Variants in PTPRD observed in about 807,000 individuals in gnomAD.
The protein encoded by PTPRD is protein tyrosine phosphatase receptor type D.
A neutral mutation model predicts 214.5 loss-of-function variants in PTPRD; 34 were observed. The ratio of observed to expected loss-of-function variants is 0.16; its 90% CI spans 0.12 to 0.21. PTPRD has a LOEUF of 0.21. Among genes scored for constraint, PTPRD ranks in the 10% least tolerant of loss-of-function variants. The pLI is 1.00. For missense variants in PTPRD, 2,545 were observed against 2,398.7 expected, an observed-to-expected ratio of 1.06 and a Z score of -1.27; for synonymous variants, 1,128 against 845.7, an observed-to-expected ratio of 1.33 and a Z score of -5.79.
chr9:10,468,106 A>T (rs2099006432), intron 2 of PTPRD, among the ~76,000 whole-genome samples: 1 of 152,210 alleles, frequency 6.6e-6, no homozygotes, highest in Non-Finnish European at 1.5e-5. Flanking sequence ...TTCCTCAAGG[A>T]TCTAGAACCA....
intron 10 of PTPRD, among the ~76,000 whole-genome samples, chr9:9,060,586 GAAGAT>G (rs1306467305): frequency 6.6e-6 from 1 of 152,000 alleles, no homozygotes; most frequent in African/African-American, 2.4e-5. Context: ...CAGACTAAGA[GAAGAT>G]ATTTTTCACA....
chr9:10,281,539 G>A (rs1410765866), intron 3 of PTPRD, among the ~76,000 whole-genome samples: 3 of 152,158 alleles, frequency 2.0e-5, no homozygotes. Context: ...GTTCATTTAA[G>A]ACTAGGCATT....
At chr9:10,109,769 A>G (rs1007207066) in intron 3 of PTPRD, among the ~76,000 whole-genome samples, 3 of 152,162 alleles carry the variant, frequency 2.0e-5, no homozygotes, top group African/African-American at 7.2e-5. Context: ...CTAGGGTCCA[A>G]TTTTCTGAAA....
intron 8 of PTPRD, among the ~76,000 whole-genome samples, chr9:9,505,429 A>C (rs1423117411): frequency 6.6e-6 from 1 of 151,592 alleles, no homozygotes; most frequent in Non-Finnish European, 1.5e-5. Flanking sequence ...AAATATTTAG[A>C]ATCCACAGAT....
At chr9:9,011,251 C>G (rs2099510696) in intron 11 of PTPRD, among the ~76,000 whole-genome samples, 2 of 152,244 alleles carry the variant, frequency 1.3e-5, no homozygotes, top group South Asian at 2.1e-4. Context: ...TCCCAACACT[C>G]TCTTTTTTGG....
At chr9:8,435,364 G>T (rs936017917) in intron 35 of PTPRD, among the ~76,000 whole-genome samples, 1 of 152,030 alleles carries the variant, frequency 6.6e-6, no homozygotes, top group African/African-American at 2.4e-5. Context: ...GAATGTTAGC[G>T]CTGGTAGGTC....
intron 2 of PTPRD, among the ~76,000 whole-genome samples, chr9:10,468,368 G>C (rs1379561618): frequency 1.3e-5 from 2 of 152,098 alleles, no homozygotes; most frequent in East Asian, 1.9e-4. Context: ...GATCAAGCTG[G>C]AAACCATCAT....
chr9:9,770,920 G>T (rs1416514770), intron 5 of PTPRD, among the ~76,000 whole-genome samples: 1 of 152,092 alleles, frequency 6.6e-6, no homozygotes, highest in African/African-American at 2.4e-5. Context: ...TATATTTAGA[G>T]CCTACTTGGA....
In PTPRD at chr9:9,328,614, CTTGCTTTTTTTTTTTTTTT is replaced by C. The variant is rs1295741117; in HGVS notation, c.-203+68816_-203+68834del. ...GATCACATTTTCTTTTGTTGTTGTTCTTGCTTTTTTTTTTTTTTTTTTTTTTTTTTTTTTTTTTTTTGAG... is the reference window on the plus strand; with the variant it reads ...GATCACATTTTCTTTTGTTGTTGTTCTTTTTTTTTTTTTTTTTTTTTTGAG... On this transcript the variant is annotated intron_variant, in intron 9 of 45. Coordinates refer to ENST00000381196, the MANE Select transcript of PTPRD (RefSeq NM_002839.4). 5.6e-3 allele frequency among the ~76,000 whole-genome samples: 220 copies of C among 39,094 alleles called. 5 individuals carry two copies. The highest frequency in any genetic ancestry group is 0.016 in the African/African-American group (216 of 13,216). 25.6% of individuals were successfully genotyped at this position (39,094 alleles called of 152,430 possible). A position where few individuals can be genotyped will look rare whatever the true frequency, so the allele number is the denominator to read the frequency against.
chr9:8,456,028 C>G (rs183533674), intron 33 of PTPRD, among the ~76,000 whole-genome samples: 1 of 152,262 alleles, frequency 6.6e-6, no homozygotes, highest in African/African-American at 2.4e-5. Context: ...TATTGCAACT[C>G]TTGCCAGCCA....
chr9:9,589,905 T>C (rs1441982923), intron 7 of PTPRD, among the ~76,000 whole-genome samples: 1 of 151,836 alleles, frequency 6.6e-6, no homozygotes, highest in Non-Finnish European at 1.5e-5. Context: ...AGATGCTGGG[T>C]CATTATTTCT....
At chr9:9,275,553 G>A (rs1035605155) in intron 9 of PTPRD, among the ~76,000 whole-genome samples, 3 of 151,046 alleles carry the variant, frequency 2.0e-5, no homozygotes, top group African/African-American at 7.3e-5. Context: ...AAGGTTGGCT[G>A]GTAAGAGCCT....
In PTPRD at chr9:10,211,729, G is replaced by C. The variant is rs140846104; in HGVS notation, c.-545+129234C>G. Among the ~76,000 whole-genome samples, 1,028 of 152,230 alleles carry C rather than the reference G, an allele frequency of 6.8e-3. 7 individuals are homozygous for C. Among genetic ancestry groups the C allele is most frequent in the Non-Finnish European group, 0.01 (689 of 68,018 alleles). On this transcript the variant is annotated intron_variant, in intron 3 of 45. Transcript: ENST00000381196. ...GTCAAAAACCATATATTCTTACTTA[G>C]AAGTGAGAGCTAAACAGTGTGCAAA...
intron 14 of PTPRD, among the ~76,000 whole-genome samples, chr9:8,593,381 T>C (rs559564614): frequency 4.6e-5 from 7 of 152,318 alleles, no homozygotes; most frequent in South Asian, 4.1e-4. Context: ...AAAAGGTACG[T>C]AGACCTGGTG....
chr9:10,130,090 C>G (rs2154256737), intron 3 of PTPRD, among the ~76,000 whole-genome samples: 1 of 151,750 alleles, frequency 6.6e-6, no homozygotes, highest in East Asian at 1.9e-4. Flanking sequence ...ACTTCAGACA[C>G]CCTCAATGGC....
intron 5 of PTPRD, among the ~76,000 whole-genome samples, chr9:9,794,666 G>A (rs1488164434): frequency 6.6e-6 from 1 of 152,060 alleles, no homozygotes; most frequent in African/African-American, 2.4e-5. Flanking sequence ...CTTCAAAAGA[G>A]CCCTGAAATA....
intron 32 of PTPRD, among the ~76,000 whole-genome samples, chr9:8,461,236 C>T (rs181110628): frequency 1.3e-5 from 2 of 152,088 alleles, no homozygotes; most frequent in East Asian, 1.9e-4. Flanking sequence ...GATGATATGG[C>T]TTTATAAAAT....
chr9:8,619,817 C>T (rs922628414), intron 14 of PTPRD, among the ~76,000 whole-genome samples: 7 of 151,980 alleles, frequency 4.6e-5, no homozygotes, highest in Non-Finnish European at 7.4e-5. Context: ...AAAATCAACC[C>T]TTACACTTTT....
chr9:9,407,712 G>T (rs1314230330), intron 8 of PTPRD, among the ~76,000 whole-genome samples: 1 of 151,648 alleles, frequency 6.6e-6, no homozygotes, highest in Non-Finnish European at 1.5e-5. Flanking sequence ...GTAAAATTTG[G>T]AATCAGAGTA....
Sources: gnomAD v4.1 joint callset for allele counts (sites outside exome capture counted in the v4.1 genomes callset) on GRCh38, gnomAD v4.1.1 for gene constraint, MANE v1.5 for transcripts, NCBI Gene and HGNC (gene_info 2026-07-23, HGNC 2026-07-21) for gene names.